Variants in ABLIM2 observed in about 807,000 individuals in gnomAD.
ABLIM2 encodes the protein actin-binding LIM protein 2.
A neutral mutation model predicts 97.7 loss-of-function variants in ABLIM2; 53 were observed. The ratio of observed to expected loss-of-function variants is 0.54; its 90% CI spans 0.44 to 0.68. The LOEUF (loss-of-function observed/expected upper bound fraction) is 0.68. ABLIM2 is among the 30% of genes least tolerant of loss of function. The pLI, the probability that ABLIM2 is intolerant of heterozygous loss-of-function variation, is 0.00. For missense variants in ABLIM2, 835 were observed against 867.2 expected, an observed-to-expected ratio of 0.96 and a Z score of 0.47; for synonymous variants, 361 against 345.8, an observed-to-expected ratio of 1.04 and a Z score of -0.49.
chr4:7,978,833 G>C (rs935427035), intron 20 of ABLIM2, among the ~76,000 whole-genome samples: 1 of 152,238 alleles, frequency 6.6e-6, no homozygotes, highest in Admixed American at 6.5e-5. Context: ...AGCAGTGTTG[G>C]AGTTCCTTTT....
At chr4:7,981,013 G>A (rs759983243) in intron 20 of ABLIM2, among the ~76,000 whole-genome samples, 4 of 141,422 alleles carry the variant, frequency 2.8e-5, no homozygotes, top group African/African-American at 8.0e-5. Context: ...GCACGATCTC[G>A]GCTCACTGCA....
rs1165395790 is a variant in ABLIM2 at position 8,019,227 on chromosome 4, T to C, written c.1423+391A>G. ...AAACGACCGATTCAAGTTTGTTCTATATTCCAAAGATCGGGCCTGGATCAG... is the reference window on the plus strand; with the variant it reads ...AAACGACCGATTCAAGTTTGTTCTACATTCCAAAGATCGGGCCTGGATCAG... On this transcript the variant is annotated intron_variant, in intron 14 of 20. Coordinates refer to ENST00000447017, the MANE Select transcript of ABLIM2 (RefSeq NM_001130083.2). The surrounding 1 kb of genome is among the most constrained non-coding windows in gnomAD (Gnocchi z 4.3). Among the ~76,000 whole-genome samples the C allele has an allele frequency of 2.6e-5, 4 of 152,240 alleles. No individual in the cohort carries two copies. The East Asian group carries it at 5.8e-4, about 22-fold the overall frequency.
At chr4:8,011,391 T>G (rs944458359) in intron 14 of ABLIM2, among the ~76,000 whole-genome samples, 1 of 152,088 alleles carries the variant, frequency 6.6e-6, no homozygotes, top group Non-Finnish European at 1.5e-5. Context: ...GATGACCGAG[T>G]CTCTTGAGAA....
At chr4:8,158,274 C>T (rs2152969127) in intron 1 of ABLIM2, among the ~76,000 whole-genome samples, 1 of 152,328 alleles carries the variant, frequency 6.6e-6, no homozygotes, top group Non-Finnish European at 1.5e-5. Context: ...GCTGCAAAGC[C>T]CCGCCTATCA....
At chr4:8,029,875 C>A in intron 10 of ABLIM2, 99 bp from the exon 11 acceptor site, 1 of 1,455,648 alleles carries the variant, frequency 6.9e-7, no homozygotes, top group South Asian at 1.4e-5. Context: ...GCCCTCCTGA[C>A]CCAAGTGGAT....
At chr4:8,104,080 A>G (rs1835982722) in intron 2 of ABLIM2, among the ~76,000 whole-genome samples, 1 of 152,182 alleles carries the variant, frequency 6.6e-6, no homozygotes, top group South Asian at 2.1e-4. Context: ...GCCAGGGTGG[A>G]GGCCACCCCT....
chr4:8,117,981 AAC>A (rs1415272995), intron 1 of ABLIM2, among the ~76,000 whole-genome samples: 2 of 152,188 alleles, frequency 1.3e-5, no homozygotes, highest in Admixed American at 6.5e-5. Context: ...ATCACAGCCA[AAC>A]ACAGCCCCAG....
At chr4:7,985,593 G>A (rs912154207) in intron 17 of ABLIM2, among the ~76,000 whole-genome samples, 3 of 152,172 alleles carry the variant, frequency 2.0e-5, no homozygotes, top group Non-Finnish European at 4.4e-5. Context: ...TGGTACTCAC[G>A]GCAGCTCTGC....
intron 6 of ABLIM2, among the ~76,000 whole-genome samples, chr4:8,074,052 A>C (rs527812172): frequency 1.6e-4 from 21 of 133,020 alleles, no homozygotes; most frequent in Non-Finnish European, 3.1e-4. Context: ...GCGCCACTGC[A>C]CTCTAGCCTG....
rs1754712556 is a variant in ABLIM2, at chr4:7,998,202, C to T, written c.1619-5275G>A. On this transcript the variant is annotated intron_variant, in intron 16 of 20. Coordinates refer to ENST00000447017, the MANE Select transcript of ABLIM2 (RefSeq NM_001130083.2). The surrounding 1 kb of genome is among the most constrained non-coding windows in gnomAD (Gnocchi z 6.4). ...CGCCGGGCCTTCTGCTGTCTTTTTT[C>T]ATTCAAATCATTGATCTTCGGTGTT... Among the ~76,000 whole-genome samples the T allele has an allele frequency of 6.6e-6, 1 of 151,972 alleles. No homozygotes were observed. Among genetic ancestry groups the T allele is most frequent in the African/African-American group, 2.4e-5 (1 of 41,390 alleles).
At chr4:8,076,306 C>A (rs1392046254) in intron 6 of ABLIM2, among the ~76,000 whole-genome samples, 1 of 152,264 alleles carries the variant, frequency 6.6e-6, no homozygotes, top group Admixed American at 6.5e-5. Flanking sequence ...TCTGCGCTCA[C>A]TGTTCCATTC....
In ABLIM2 at chr4:8,068,265, G is replaced by T. The variant is rs1380126740; in HGVS notation, c.676-7211C>A. On this transcript the variant is annotated intron_variant, in intron 6 of 20. Coordinates refer to ENST00000447017, the MANE Select transcript of ABLIM2 (RefSeq NM_001130083.2). The surrounding 1 kb of genome is among the most constrained non-coding windows in gnomAD (Gnocchi z 4.5). ...AATATATGAGCAACTGAAAGACTTT[G>T]CAGTGAGTGGTTTTAGGAAGACATC... Among the ~76,000 whole-genome samples the T allele has an allele frequency of 6.6e-6, 1 of 152,190 alleles. No homozygotes were observed. The highest frequency in any genetic ancestry group is 2.4e-5 in the African/African-American group (1 of 41,448).
chr4:8,123,985 G>A lies in ABLIM2; in HGVS notation c.11-17348C>T, dbSNP rs897369713. Among the ~76,000 whole-genome samples the A allele has an allele frequency of 2.6e-5, 4 of 152,182 alleles. No homozygotes were observed. Among genetic ancestry groups the A allele is most frequent in the Non-Finnish European group, 4.4e-5 (3 of 68,022 alleles). On this transcript the variant is annotated intron_variant, in intron 1 of 20. Transcript: ENST00000447017. This position sits in a 1 kb window ranked among gnomAD's most constrained non-coding sequence, Gnocchi z 6.2. ...ACCCAAACAGTACATCAAAGATGAA[G>A]GAAAATTTAAAATCCCCTGCTTCCC...
chr4:7,966,986 G>T lies in ABLIM2; in HGVS notation c.*4C>A. The T allele has an allele frequency of 6.2e-7, 1 of 1,611,690 alleles. No homozygotes were observed. Among genetic ancestry groups the T allele is most frequent in the African/African-American group, 1.3e-5 (1 of 74,996 alleles). ...CACACACCAGTGGGGCAGGCTGGCAGCCGTCAGAACAAAAGGGCTTTCTTC... is the reference window on the plus strand; with the variant it reads ...CACACACCAGTGGGGCAGGCTGGCATCCGTCAGAACAAAAGGGCTTTCTTC... On this transcript the variant is annotated 3_prime_UTR_variant, in exon 21 of 21. Transcript: ENST00000447017.
At chr4:8,059,562 T>C (rs1801517760) in intron 7 of ABLIM2, among the ~76,000 whole-genome samples, 1 of 152,012 alleles carries the variant, frequency 6.6e-6, no homozygotes, top group Admixed American at 6.6e-5. Flanking sequence ...CACACCTTTC[T>C]TCTTTGTTGT....
chr4:8,050,650 A>G (rs922184937), intron 8 of ABLIM2, among the ~76,000 whole-genome samples: 10 of 152,200 alleles, frequency 6.6e-5, no homozygotes, highest in Admixed American at 5.2e-4. Flanking sequence ...CCTTCTGCAT[A>G]TTCTCTCCTT....
chr4:8,099,749 G>T (rs972542166), intron 2 of ABLIM2, among the ~76,000 whole-genome samples: 1 of 152,154 alleles, frequency 6.6e-6, no homozygotes. Context: ...GGAGGCTGAG[G>T]CAGGAGGATG....
At chr4:8,048,574 C>G (rs1254966558) in intron 8 of ABLIM2, among the ~76,000 whole-genome samples, 1 of 152,228 alleles carries the variant, frequency 6.6e-6, no homozygotes, top group Non-Finnish European at 1.5e-5. Flanking sequence ...AAGCCTCGCT[C>G]TACCGCCCTT....
intron 20 of ABLIM2, among the ~76,000 whole-genome samples, chr4:7,971,041 G>A (rs1727570751): frequency 6.6e-6 from 1 of 152,130 alleles, no homozygotes; most frequent in Non-Finnish European, 1.5e-5. Flanking sequence ...CTCCGCAGCA[G>A]GGGGTCTGTT....
Sources: allele counts gnomAD v4.1 joint callset (sites outside exome capture counted in the v4.1 genomes callset), GRCh38; gene constraint gnomAD v4.1.1; non-coding constraint Gnocchi (gnomAD v3.1); transcripts MANE v1.5; gene names NCBI Gene and HGNC (gene_info 2026-07-23, HGNC 2026-07-21).